Variants in BRAF observed in about 807,000 individuals in gnomAD.
BRAF encodes serine/threonine-protein kinase B-raf.
Under a neutral mutation model 104.6 loss-of-function variants are expected in BRAF, and 16 were observed. That is an observed-to-expected ratio of 0.15 (90% CI 0.10 to 0.23). The LOEUF (loss-of-function observed/expected upper bound fraction) is 0.23. BRAF is among the 10% of genes least tolerant of loss of function. The probability of loss-of-function intolerance (pLI) is 1.00; values close to 1 mark genes in which losing one functional copy is unlikely to be tolerated. For synonymous variants in BRAF, 310 were observed against 341.6 expected, an observed-to-expected ratio of 0.91 and a Z score of 1.02; for missense variants, 541 against 937.3, an observed-to-expected ratio of 0.58 and a Z score of 5.52.
At chr7:140,838,718 A>G (rs896924299) in intron 2 of BRAF, among the ~76,000 whole-genome samples, 4 of 152,218 alleles carry the variant, frequency 2.6e-5, no homozygotes, top group African/African-American at 4.8e-5. Context: ...ACTTAACTAT[A>G]AAACTATAGT....
intron 19 of BRAF, among the ~76,000 whole-genome samples, chr7:140,730,240 G>T (rs951088072): frequency 3.3e-5 from 5 of 151,460 alleles, no homozygotes; most frequent in Non-Finnish European, 5.9e-5. Flanking sequence ...GTTATTTGAA[G>T]TGAAATACCT....
intron 1 of BRAF, among the ~76,000 whole-genome samples, chr7:140,853,580 T>C (rs951380126): frequency 1.3e-5 from 2 of 152,150 alleles, no homozygotes; most frequent in Admixed American, 6.6e-5. Flanking sequence ...GACTTGTGAA[T>C]TTACTATTCC....
At chr7:140,820,963 T>C (rs1285085202) in intron 3 of BRAF, among the ~76,000 whole-genome samples, 2 of 152,196 alleles carry the variant, frequency 1.3e-5, no homozygotes, top group Admixed American at 6.5e-5. Flanking sequence ...AAGGAACATA[T>C]ATGCTTATTC....
intron 1 of BRAF, among the ~76,000 whole-genome samples, chr7:140,917,856 A>T (rs986848514): frequency 3.9e-5 from 6 of 152,204 alleles, no homozygotes; most frequent in Admixed American, 3.9e-4. Context: ...AATGATATGA[A>T]ATTCAAATTT....
At position 140,736,231 on chromosome 7, in the gene BRAF, C is replaced by T. The variant is rs113277071; in HGVS notation, c.2248-1461G>A. On this transcript the variant is annotated intron_variant, in intron 18 of 19. Transcript: ENST00000644969. ...GATCACAGGCGTGTGCCACCACGCC[C>T]GGATAATTTTGTATTTTTAGTAGAG... 5.4e-3 allele frequency among the ~76,000 whole-genome samples: 772 copies of T among 142,424 alleles called. 5 individuals are homozygous for T. The highest frequency in any genetic ancestry group is 0.019 in the Middle Eastern group (4 of 216). The allele number at this position is 142,424 out of a possible 152,430, so 93.4% of individuals were successfully genotyped here. A position where few individuals can be genotyped will look rare whatever the true frequency, so the allele number is the denominator to read the frequency against.
At position 140,725,045 on chromosome 7, in the gene BRAF, T is replaced by G. The variant is rs1023325747; in HGVS notation, c.*1449A>C. The G allele has an allele frequency of 5.7e-6, 6 of 1,046,678 alleles. No individual in the cohort carries two copies. In the African/African-American group the frequency reaches 1.0e-4, roughly 17 times the overall value. 64.8% of individuals were successfully genotyped at this position (1,046,678 alleles called of 1,614,324 possible). ...CCCACACCCTCCCTCAGTCCTAATA[T>G]CCCTAAAATTGCTCTATTCTCTGTC... is the stretch of plus-strand genomic sequence containing the variant. On this transcript the variant is annotated 3_prime_UTR_variant, in exon 20 of 20. Coordinates refer to ENST00000644969, the MANE Select transcript of BRAF (RefSeq NM_001374258.1).
At chr7:140,762,839 T>C (rs1798890094) in intron 14 of BRAF, among the ~76,000 whole-genome samples, 2 of 152,154 alleles carry the variant, frequency 1.3e-5, no homozygotes, top group Non-Finnish European at 2.9e-5. Flanking sequence ...CAAGCATCTG[T>C]TTAACAAAGC....
chr7:140,763,905 C>T (rs7357151), intron 14 of BRAF, among the ~76,000 whole-genome samples: 45,341 of 152,000 alleles, frequency 0.3, 10,790 homozygotes, highest in African/African-American at 0.66. Flanking sequence ...TGAAACTATT[C>T]CAATCAATAG....
chr7:140,802,058 C>T (rs921145327), intron 5 of BRAF, among the ~76,000 whole-genome samples: 1 of 152,028 alleles, frequency 6.6e-6, no homozygotes, highest in African/African-American at 2.4e-5. Flanking sequence ...TATAAATGAG[C>T]TAATTCCTTA....
At chr7:140,864,899 G>A (rs535596251) in intron 1 of BRAF, among the ~76,000 whole-genome samples, 25 of 152,198 alleles carry the variant, frequency 1.6e-4, no homozygotes, top group Non-Finnish European at 2.4e-4. Context: ...TCAGACTGTC[G>A]GGAATGGTCT....
intron 14 of BRAF, among the ~76,000 whole-genome samples, chr7:140,755,174 A>G (rs550398987): frequency 9.8e-5 from 15 of 152,308 alleles, no homozygotes; most frequent in African/African-American, 3.6e-4. Context: ...CCCAGTGCCG[A>G]GAACAGTGCT....
chr7:140,761,955 C>A (rs1798783311), intron 14 of BRAF, among the ~76,000 whole-genome samples: 3 of 152,228 alleles, frequency 2.0e-5, no homozygotes, highest in South Asian at 2.1e-4. Flanking sequence ...CTTTAACATC[C>A]CACTGTCAAC....
At chr7:140,738,966 G>GAAA (rs56672171) in intron 18 of BRAF, among the ~76,000 whole-genome samples, 3 of 118,950 alleles carry the variant, frequency 2.5e-5, no homozygotes, top group African/African-American at 5.7e-5. Flanking sequence ...TTCCAATATG[G>GAAA]AAAAAAAAAA....
At chr7:140,766,142 G>A (rs1432473703) in intron 14 of BRAF, among the ~76,000 whole-genome samples, 3 of 152,128 alleles carry the variant, frequency 2.0e-5, no homozygotes, top group Middle Eastern at 3.2e-3. Flanking sequence ...CCTTTGTAGG[G>A]ACATGGATGA....
At chr7:140,735,809 C>T (rs1259547439) in intron 18 of BRAF, among the ~76,000 whole-genome samples, 2 of 152,096 alleles carry the variant, frequency 1.3e-5, no homozygotes, top group East Asian at 3.9e-4. Flanking sequence ...CTGCCTGCCT[C>T]GGCCTCCCAA....
At chr7:140,907,161 CTCTT>C (rs2129135595) in intron 1 of BRAF, among the ~76,000 whole-genome samples, 1 of 152,296 alleles carries the variant, frequency 6.6e-6, no homozygotes, top group African/African-American at 2.4e-5. Flanking sequence ...AGGCAATGAA[CTCTT>C]TCTTCAGCTA....
chr7:140,924,416 C>T lies in BRAF; in HGVS notation c.138+150G>A. 1.7e-6 allele frequency: 2 copies of T among 1,181,020 alleles called. No homozygotes were observed. The highest frequency in any genetic ancestry group is 2.4e-6 in the Non-Finnish European group (2 of 839,342). 73.2% of individuals were successfully genotyped at this position (1,181,020 alleles called of 1,614,324 possible). On this transcript the variant is annotated intron_variant, in intron 1 of 19. Coordinates refer to ENST00000644969, the MANE Select transcript of BRAF (RefSeq NM_001374258.1). This position sits in a 1 kb window ranked among gnomAD's most constrained non-coding sequence, Gnocchi z 4.2. ...AGGCGCTGCATGACGGAGAGGGACA[C>T]GGGGGCGATGCCCACCTCCCAGCCC...
chr7:140,809,744 C>A (rs1453992811), intron 3 of BRAF, among the ~76,000 whole-genome samples: 1 of 151,788 alleles, frequency 6.6e-6, no homozygotes, highest in Non-Finnish European at 1.5e-5. Context: ...GCAGAAGATA[C>A]AAATCTGGAG....
At chr7:140,847,404 G>A (rs898858212) in intron 2 of BRAF, among the ~76,000 whole-genome samples, 1 of 152,040 alleles carries the variant, frequency 6.6e-6, no homozygotes, top group Non-Finnish European at 1.5e-5. Flanking sequence ...CCAACATGCT[G>A]AAACCCTGTC....
Sources: allele counts gnomAD v4.1 joint callset (sites outside exome capture counted in the v4.1 genomes callset), GRCh38; gene constraint gnomAD v4.1.1; non-coding constraint Gnocchi (gnomAD v3.1); transcripts MANE v1.5; gene names NCBI Gene and HGNC (gene_info 2026-07-23, HGNC 2026-07-21).